The following LZTS1 variants were observed in gnomAD, a reference collection of about 807,000 sequenced individuals.
LZTS1 encodes the protein leucine zipper tumor suppressor 1.
A neutral mutation model predicts 45.8 loss-of-function variants in LZTS1; 31 were observed. The observed-to-expected ratio is 0.68, with a 90% CI of 0.51 to 0.91. LZTS1 has a LOEUF of 0.91. LZTS1 is among the 40% of genes least tolerant of loss of function. The probability of loss-of-function intolerance (pLI) is 0.00; values close to 1 mark genes in which losing one functional copy is unlikely to be tolerated. For missense variants in LZTS1, 821 were observed against 788.9 expected (o/e 1.04, Z -0.49); for synonymous variants, 359 against 357.3 (o/e 1.00, Z -0.05).
chr8:20,253,728 G>C (rs762824033), intron 2 of LZTS1, 143 bp from the exon 3 acceptor site: 1 of 582,812 alleles, frequency 1.7e-6, no homozygotes, highest in Non-Finnish European at 2.9e-6. Context: ...TGTCTCAGCA[G>C]ACCTTGCCTG....
intron 1 of LZTS1, among the ~76,000 whole-genome samples, chr8:20,255,957 C>T (rs1354062797): frequency 6.6e-6 from 1 of 150,584 alleles, no homozygotes; most frequent in Non-Finnish European, 1.5e-5. Context: ...CACCTGTAAT[C>T]CCAGCTACTT....
In LZTS1 at chr8:20,254,996, G is replaced by A. The variant is rs748915529; in HGVS notation, c.186C>T (p.Ser62=). ...TGACCTTGATGTAGAAGAAGTCTTC[G>A]CTCTTGCCCATTTTGGAGCTGGACT... ...HGKSSSKMGK[S]EDFFYIKVSQ... Residue 62 remains serine, a synonymous_variant, in exon 2 of 4, where the codon AGC becomes AGT. Coordinates refer to ENST00000381569, the MANE Select transcript of LZTS1 (RefSeq NM_021020.5). 1.1e-5 allele frequency: 18 copies of A among 1,614,134 alleles called. No individual in the cohort carries two copies. Among genetic ancestry groups the A allele is most frequent in the East Asian group, 2.2e-5 (1 of 44,882 alleles).
At chr8:20,254,722 T>C in intron 2 of LZTS1, 115 bp downstream of exon 2, 4 of 841,268 alleles carry the variant, frequency 4.8e-6, no homozygotes, top group Non-Finnish European at 7.2e-6. Context: ...GCTCTGGTTT[T>C]GAGGAGTCTG....
chr8:20,254,865 A>T lies in LZTS1; in HGVS notation c.317T>A (p.Leu106His), dbSNP rs754158313. 1.4e-5 allele frequency: 22 copies of T among 1,612,716 alleles called. 1 individual carries two copies. ...TTCTAGCTGATTGGAGAAGGGCATGAGCTTGGGGGGTGTGGACGGGTCAAA... is the reference window on the plus strand; with the variant it reads ...TTCTAGCTGATTGGAGAAGGGCATGTGCTTGGGGGGTGTGGACGGGTCAAA... Reference protein sequence around the residue: ...VDFDPSTPPKLMPFSNQLEMG... With the variant: ...VDFDPSTPPKHMPFSNQLEMG... Residue 106 changes from leucine to histidine, a missense_variant, in exon 2 of 4, where the codon CTC becomes CAC. Transcript: ENST00000381569.
At chr8:20,276,237 C>T (rs1800578947) in intron 1 of LZTS1, among the ~76,000 whole-genome samples, 1 of 112,988 alleles carries the variant, frequency 8.9e-6, no homozygotes, top group South Asian at 3.5e-4. Context: ...CTTAGAGTCT[C>T]CAGAGTGATT....
intron 3 of LZTS1, among the ~76,000 whole-genome samples, chr8:20,250,726 G>A (rs1799873158): frequency 6.6e-6 from 1 of 151,888 alleles, no homozygotes; most frequent in African/African-American, 2.4e-5. Context: ...AGCCTCCCAA[G>A]TAGCTGGGAT....
chr8:20,293,679 T>C (rs899605920), intron 1 of LZTS1, among the ~76,000 whole-genome samples: 11 of 152,152 alleles, frequency 7.2e-5, no homozygotes, highest in Non-Finnish European at 1.5e-4. Flanking sequence ...ACGCCTATAA[T>C]CCCAGCACTT....
rs529185982 is a variant in LZTS1, at chr8:20,285,167, T to C, written c.-135+18573A>G. 8.5e-5 allele frequency among the ~76,000 whole-genome samples: 13 copies of C among 152,380 alleles called. No homozygotes were observed. The South Asian group carries it at 2.7e-3, about 32-fold the overall frequency. Reference sequence around the variant, plus strand: ...TTCAAGTCTCTGCAAGATGGATTTCTTGTGGTTCTCACATTGCTTCCCTTC... The same window carrying C: ...TTCAAGTCTCTGCAAGATGGATTTCCTGTGGTTCTCACATTGCTTCCCTTC... On this transcript the variant is annotated intron_variant, in intron 1 of 3. Transcript: ENST00000381569.
rs1800585217 is a variant in LZTS1 at position 20,276,468 on chromosome 8, G to A, written c.-134-21153C>T. On this transcript the variant is annotated intron_variant, in intron 1 of 3. Transcript: ENST00000381569. ...AACCCAAAAGGACAGGGCTCAGGAAGTTTCTGGATAGTTGAACACCTGGAG... is the reference window on the plus strand; with the variant it reads ...AACCCAAAAGGACAGGGCTCAGGAAATTTCTGGATAGTTGAACACCTGGAG... Among the ~76,000 whole-genome samples, 3 of 152,228 alleles carry A rather than the reference G, an allele frequency of 2.0e-5. No homozygotes were observed. The South Asian group carries it at 6.2e-4, about 32-fold the overall frequency.
intron 1 of LZTS1, among the ~76,000 whole-genome samples, chr8:20,255,955 A>G (rs959925236): frequency 6.7e-6 from 1 of 149,688 alleles, no homozygotes; most frequent in Non-Finnish European, 1.5e-5. Context: ...CACACCTGTA[A>G]TCCCAGCTAC....
At chr8:20,303,250 A>G (rs1585308707) in intron 1 of LZTS1, among the ~76,000 whole-genome samples, 1 of 152,052 alleles carries the variant, frequency 6.6e-6, no homozygotes. Flanking sequence ...GCTGCAACGC[A>G]CCGGTGTCCT....
intron 1 of LZTS1, among the ~76,000 whole-genome samples, chr8:20,274,503 T>C (rs1394928725): frequency 6.6e-6 from 1 of 152,156 alleles, no homozygotes; most frequent in African/African-American, 2.4e-5. Context: ...CATGCCTCAG[T>C]GGCACTCTGG....
chr8:20,253,357 G>T lies in LZTS1; in HGVS notation c.574C>A (p.Gln192Lys), dbSNP rs752336918. ...ACGGGTGTGACCAGCGGGTCCAGCT[G>T]GTAGCTGCTGCTGGTGCTGTGTGTG... is the stretch of plus-strand genomic sequence containing the variant. ...LPTHSTSSSY[Q>K]LDPLVTPVGP... is the part of the protein sequence containing the mutation. Residue 192 changes from glutamine (Q) to lysine (K), a missense_variant, in exon 3 of 4, where the codon CAG (glutamine) becomes AAG (lysine). Transcript: ENST00000381569. The T allele has an allele frequency of 1.9e-6, 3 of 1,613,602 alleles. No homozygotes were observed. The highest frequency in any genetic ancestry group is 2.5e-6 in the Non-Finnish European group (3 of 1,179,844).
rs140699747 is a variant in LZTS1, at chr8:20,267,896, G to A, written c.-134-12581C>T. ...AAGATCCCAGACCGACGGATCTGCT[G>A]TATCATCAGGCATACAATTCAATCT... On this transcript the variant is annotated intron_variant, in intron 1 of 3. Coordinates refer to ENST00000381569, the MANE Select transcript of LZTS1 (RefSeq NM_021020.5). Among the ~76,000 whole-genome samples the A allele has an allele frequency of 1.2e-4, 19 of 152,270 alleles. No homozygotes were observed. In the East Asian group the frequency reaches 3.7e-3, roughly 29 times the overall value.
chr8:20,261,678 G>C (rs373945403), intron 1 of LZTS1, among the ~76,000 whole-genome samples: 1 of 152,238 alleles, frequency 6.6e-6, no homozygotes, highest in Non-Finnish European at 1.5e-5. Flanking sequence ...TGGATGCAGA[G>C]AGATGTGAAC....
At chr8:20,301,840 C>T (rs1801085014) in intron 1 of LZTS1, among the ~76,000 whole-genome samples, 1 of 152,124 alleles carries the variant, frequency 6.6e-6, no homozygotes, top group Admixed American at 6.5e-5. Context: ...TACACAAATG[C>T]ACAAGCTGAA....
intron 1 of LZTS1, among the ~76,000 whole-genome samples, chr8:20,279,755 A>G (rs61354672): frequency 0.59 from 88,531 of 149,382 alleles, 26,735 homozygotes; most frequent in Middle Eastern, 0.64. Flanking sequence ...GGGAGGCCAA[A>G]GTGAGCAGAT....
chr8:20,256,060 C>CAAAAAAAAAAAAA (rs386412254), intron 1 of LZTS1, among the ~76,000 whole-genome samples: 3 of 56,456 alleles, frequency 5.3e-5, no homozygotes, highest in African/African-American at 6.5e-5. Context: ...GGGCCTGACT[C>CAAAAAAAAAAAAA]AAAAAAAAAA....
chr8:20,296,763 G>T (rs943175068), intron 1 of LZTS1, among the ~76,000 whole-genome samples: 30 of 152,128 alleles, frequency 2.0e-4, no homozygotes, highest in African/African-American at 7.2e-4. Context: ...TGGCCTGAAG[G>T]CAGCCCTATC....
Sources: gnomAD v4.1 joint callset for allele counts (sites outside exome capture counted in the v4.1 genomes callset) on GRCh38, gnomAD v4.1.1 for gene constraint, MANE v1.5 for transcripts, NCBI Gene and HGNC (gene_info 2026-07-23, HGNC 2026-07-21) for gene names.